MB21D2: variants seen among roughly 807,000 people sequenced by gnomAD.
MB21D2 encodes nucleotidyltransferase MB21D2.
In MB21D2, 9 loss-of-function variants were observed where a neutral mutation model predicts 33.3. The observed-to-expected ratio is 0.27, with a 90% CI of 0.16 to 0.47. The LOEUF (loss-of-function observed/expected upper bound fraction) is 0.47, where lower values mean the gene tolerates loss of function less well. Among genes scored for constraint, MB21D2 ranks in the 20% least tolerant of loss-of-function variants. MB21D2 has a pLI of 0.99. For synonymous variants in MB21D2, 241 were observed against 236.3 expected, an observed-to-expected ratio of 1.02 and a Z score of -0.18; for missense variants, 540 against 624.6, an observed-to-expected ratio of 0.86 and a Z score of 1.44.
chr3:192,899,016 G>A (rs532150271), intron 1 of MB21D2, among the ~76,000 whole-genome samples: 1 of 152,346 alleles, frequency 6.6e-6, no homozygotes, highest in African/African-American at 2.4e-5. Flanking sequence ...TCAGTGTGTG[G>A]ATGAAGAGGC....
chr3:192,799,112 G>A lies in MB21D2; in HGVS notation c.750C>T (p.Ser250=), dbSNP rs774532836. The A allele has an allele frequency of 1.2e-6, 2 of 1,614,172 alleles. No individual in the cohort carries two copies. Among genetic ancestry groups the A allele is most frequent in the South Asian group, 2.2e-5 (2 of 91,072 alleles). The change falls in exon 2 of 2, where the codon AGC becomes AGT. Residue 250 remains serine (S), a synonymous_variant. Coordinates refer to ENST00000392452, the MANE Select transcript of MB21D2 (RefSeq NM_178496.4). This position sits in a 1 kb window ranked among gnomAD's most constrained non-coding sequence, Gnocchi z 4.1. The stretch of plus-strand genomic sequence containing the variant: ...CCCAAAAGTGGTTCTCCATGAGCCA[G>A]CTCTGGGCCACTGCAGGCCAACCTT... ...SFKGWPAVAQ[S]WLMENHFWDG...
chr3:192,806,496 T>G (rs1711663689), intron 1 of MB21D2, among the ~76,000 whole-genome samples: 1 of 152,182 alleles, frequency 6.6e-6, no homozygotes, highest in South Asian at 2.1e-4. Context: ...GGGTCAACCG[T>G]GAAGCATCTG....
chr3:192,850,150 C>A (rs1007320101), intron 1 of MB21D2, among the ~76,000 whole-genome samples: 6 of 152,088 alleles, frequency 3.9e-5, no homozygotes, highest in East Asian at 1.9e-4. Flanking sequence ...GAACTCCTGA[C>A]CTTATGATCC....
intron 1 of MB21D2, among the ~76,000 whole-genome samples, chr3:192,883,376 CA>C (rs1482298155): frequency 2.6e-5 from 4 of 151,958 alleles, no homozygotes; most frequent in African/African-American, 9.7e-5. Flanking sequence ...ACAAGAAAAA[CA>C]TAAGAAAAGA....
At chr3:192,913,773 G>A (rs75691850) in intron 1 of MB21D2, among the ~76,000 whole-genome samples, 3,159 of 152,184 alleles carry the variant, frequency 0.021, 95 homozygotes, top group African/African-American at 0.071. Context: ...TTGAGGCTGC[G>A]GTGAGCCATG....
At chr3:192,833,851 C>A (rs1712373634) in intron 1 of MB21D2, among the ~76,000 whole-genome samples, 1 of 152,200 alleles carries the variant, frequency 6.6e-6, no homozygotes, top group South Asian at 2.1e-4. Flanking sequence ...ACCCTCTTCT[C>A]CTTCTAGGGA....
At chr3:192,895,243 C>G (rs949886575) in intron 1 of MB21D2, among the ~76,000 whole-genome samples, 2 of 152,168 alleles carry the variant, frequency 1.3e-5, no homozygotes, top group African/African-American at 4.8e-5. Flanking sequence ...CCACCTTCAC[C>G]CTCAAGAAGA....
chr3:192,913,329 T>C (rs1399559579), intron 1 of MB21D2, among the ~76,000 whole-genome samples: 1 of 152,114 alleles, frequency 6.6e-6, no homozygotes, highest in African/African-American at 2.4e-5. Flanking sequence ...GCCCAGGAAG[T>C]AGAGGTTGCA....
At chr3:192,818,662 T>C (rs1165916023) in intron 1 of MB21D2, among the ~76,000 whole-genome samples, 1 of 152,238 alleles carries the variant, frequency 6.6e-6, no homozygotes, top group African/African-American at 2.4e-5. Context: ...TAGAGTGGTA[T>C]TTCTTTATCT....
intron 1 of MB21D2, among the ~76,000 whole-genome samples, chr3:192,820,367 A>G (rs1355541446): frequency 6.6e-6 from 1 of 152,174 alleles, no homozygotes; most frequent in East Asian, 1.9e-4. Context: ...ACAACTTCGG[A>G]TAATACAAAA....
At position 192,798,841 on chromosome 3, in the gene MB21D2, C is replaced by T. The variant is rs1200949242; in HGVS notation, c.1021G>A (p.Asp341Asn). The T allele has an allele frequency of 6.8e-6, 11 of 1,612,094 alleles. No individual in the cohort carries two copies. Among genetic ancestry groups the T allele is most frequent in the African/African-American group, 2.7e-5 (2 of 74,904 alleles). ...GCCAAGTAGTTGGCAGGAAGTCTGTCGCAGGCCCAGAGCATCATGCTCCGC... is the reference window on the plus strand; with the variant it reads ...GCCAAGTAGTTGGCAGGAAGTCTGTTGCAGGCCCAGAGCATCATGCTCCGC... ...HLRSMMLWAC[D>N]RLPANYLAQE... is the part of the protein sequence containing the mutation. Residue 341 changes from aspartate to asparagine, a missense_variant, in exon 2 of 2, where the codon GAC (aspartate) becomes AAC (asparagine). Asp to Asn is a conservative substitution (Grantham distance 23). Transcript: ENST00000392452. The surrounding 1 kb of genome is among the most constrained non-coding windows in gnomAD (Gnocchi z 4.8).
At chr3:192,902,339 G>A (rs1714121603) in intron 1 of MB21D2, among the ~76,000 whole-genome samples, 1 of 152,292 alleles carries the variant, frequency 6.6e-6, no homozygotes, top group African/African-American at 2.4e-5. Flanking sequence ...TGCAAAGAGG[G>A]AAGGAGCCAG....
chr3:192,867,793 C>A (rs1226369584), intron 1 of MB21D2, among the ~76,000 whole-genome samples: 1 of 152,094 alleles, frequency 6.6e-6, no homozygotes, highest in African/African-American at 2.4e-5. Context: ...AGCGTCAGGC[C>A]TTAAGAAACT....
rs1188341005 is a variant in MB21D2, at chr3:192,882,085, A to AACC, written c.211+35544_211+35545insGGT. ...GGTCGTCTGTCTCATTCAGTTATGTATGTCTAATGCCTAACCTAAGACTTG... is the reference window on the plus strand; with the variant it reads ...GGTCGTCTGTCTCATTCAGTTATGTAACCTGTCTAATGCCTAACCTAAGACTTG... On this transcript the variant is annotated intron_variant, in intron 1 of 1. Transcript: ENST00000392452. Among the ~76,000 whole-genome samples the AACC allele has an allele frequency of 7.8e-4, 118 of 152,130 alleles. 1 individual carries two copies. The highest frequency in any genetic ancestry group is 2.6e-3 in the African/African-American group (109 of 41,450).
chr3:192,888,346 A>C (rs1277560719), intron 1 of MB21D2, among the ~76,000 whole-genome samples: 1 of 152,164 alleles, frequency 6.6e-6, no homozygotes, highest in African/African-American at 2.4e-5. Context: ...GCTGGGAATC[A>C]TTAACAAACT....
At chr3:192,890,331 T>TG (rs1448318283) in intron 1 of MB21D2, among the ~76,000 whole-genome samples, 1 of 151,904 alleles carries the variant, frequency 6.6e-6, no homozygotes, top group Non-Finnish European at 1.5e-5. Flanking sequence ...ACTAAGAAGG[T>TG]TTTTTTCCTG....
chr3:192,915,696 C>T (rs1714449222), intron 1 of MB21D2, among the ~76,000 whole-genome samples: 1 of 152,170 alleles, frequency 6.6e-6, no homozygotes, highest in South Asian at 2.1e-4. Context: ...ATTAAGCACC[C>T]TAGAATAATT....
At chr3:192,814,788 C>T (rs1711882279) in intron 1 of MB21D2, among the ~76,000 whole-genome samples, 1 of 151,754 alleles carries the variant, frequency 6.6e-6, no homozygotes, top group Non-Finnish European at 1.5e-5. Flanking sequence ...TGGCGTGAAC[C>T]CAGGAGGTGG....
At chr3:192,888,390 T>G (rs1319820860) in intron 1 of MB21D2, among the ~76,000 whole-genome samples, 1 of 152,104 alleles carries the variant, frequency 6.6e-6, no homozygotes, top group Non-Finnish European at 1.5e-5. Context: ...TCTTGGAAGC[T>G]CTAGTAAATT....
Sources: allele counts gnomAD v4.1 joint callset (sites outside exome capture counted in the v4.1 genomes callset), GRCh38; gene constraint gnomAD v4.1.1; non-coding constraint Gnocchi (gnomAD v3.1); transcripts MANE v1.5; gene names NCBI Gene and HGNC (gene_info 2026-07-23, HGNC 2026-07-21).